Variants in SAP18 observed in about 807,000 individuals in gnomAD.
SAP18 encodes the protein Sin3A associated protein 18, also known as histone deacetylase complex subunit SAP18.
Under a neutral mutation model 18.6 loss-of-function variants are expected in SAP18, and 4 were observed. That is an observed-to-expected ratio of 0.21 (90% CI 0.11 to 0.49). The LOEUF (loss-of-function observed/expected upper bound fraction) is 0.49, where lower values mean the gene tolerates loss of function less well. SAP18 is among the 20% of genes least tolerant of loss of function. SAP18 has a pLI of 0.98. For synonymous variants in SAP18, 112 were observed against 82.8 expected (o/e 1.35, Z -1.92); for missense variants, 170 against 226.4 (o/e 0.75, Z 1.60).
chr13:21,142,084 C>G (rs912999569), intron 2 of SAP18, among the ~76,000 whole-genome samples: 6 of 149,192 alleles, frequency 4.0e-5, no homozygotes, highest in Non-Finnish European at 8.9e-5. Flanking sequence ...GTCAGGAGTT[C>G]GAGACCAGTC....
At chr13:21,141,751 C>T (rs1321808614) in intron 2 of SAP18, 5 of 152,100 alleles carry the variant, frequency 3.3e-5, no homozygotes, top group Admixed American at 3.3e-4. Context: ...ACTGCAACCT[C>T]CACCTCCTGG....
At chr13:21,142,439 G>A (rs957867812) in intron 2 of SAP18, among the ~76,000 whole-genome samples, 2 of 151,610 alleles carry the variant, frequency 1.3e-5, no homozygotes, top group Non-Finnish European at 2.9e-5. Context: ...CGATTCTCAC[G>A]CCTCAGCCTC....
chr13:21,146,109 G>A (rs1565986878), intron 2 of SAP18, among the ~76,000 whole-genome samples: 1 of 152,182 alleles, frequency 6.6e-6, no homozygotes, highest in Non-Finnish European at 1.5e-5. Context: ...CACTTTGGGA[G>A]GCCAAGATAG....
chr13:21,146,923 T>C, exon 3 of SAP18: 1 of 1,606,312 alleles, frequency 6.2e-7, no homozygotes, highest in Non-Finnish European at 8.5e-7. Flanking sequence ...AAGACCTGGC[T>C]ATCGGTAGGT....
At chr13:21,140,502 C>A, upstream of SAP18, 1 of 1,537,242 alleles carries the variant, frequency 6.5e-7, no homozygotes, top group African/African-American at 1.4e-5. Context: ...CCGCCCAGCC[C>A]CTGGCCGACT....
In SAP18 at chr13:21,142,740, C is replaced by T. The variant is rs567803812; in HGVS notation, c.239+1745C>T. ...CTCCAACAGAAACCCTGTACCCCAT[C>T]CTGCCTTTTTTTAATTTTTAAAGAG... On this transcript the variant is annotated intron_variant, in intron 2 of 3. Coordinates refer to ENST00000621421, the Ensembl canonical transcript of SAP18. Among the ~76,000 whole-genome samples the T allele has an allele frequency of 3.3e-5, 5 of 152,228 alleles. No individual in the cohort carries two copies. In the South Asian group the frequency reaches 1.0e-3, roughly 32 times the overall value.
exon 1 of SAP18, chr13:21,140,520 G>A (rs893298516): frequency 1.3e-6 from 2 of 1,555,652 alleles, no homozygotes; most frequent in Admixed American, 3.9e-5. Context: ...ACTATAAAGT[G>A]TCGAGCTTCT....
At chr13:21,140,840 A>T (rs747763373) in intron 1 of SAP18, 46 bp from the exon 2 acceptor site, 1 of 1,583,702 alleles carries the variant, frequency 6.3e-7, no homozygotes, top group Non-Finnish European at 8.7e-7. Context: ...CCGGGTTCGC[A>T]GCTGGTGTTT....
chr13:21,148,050 CCGAG>C (rs748998476), exon 4 of SAP18: 2 of 152,102 alleles, frequency 1.3e-5, no homozygotes, highest in African/African-American at 2.4e-5. Flanking sequence ...AATCTTAAGA[CCGAG>C]GGAGAAGAGC....
intron 2 of SAP18, among the ~76,000 whole-genome samples, chr13:21,142,771 G>T (rs537964861): frequency 1.3e-4 from 20 of 152,196 alleles, no homozygotes; most frequent in Non-Finnish European, 2.6e-4. Context: ...AAGAGACGGA[G>T]TCTTGCTCTG....
At chr13:21,140,466 G>T, upstream of SAP18, 2 of 1,441,428 alleles carry the variant, frequency 1.4e-6, 1 homozygote, top group South Asian at 2.7e-5. Flanking sequence ...ACCACGCACG[G>T]AAGTGCGCCT....
chr13:21,147,359 G>A, exon 4 of SAP18: 1 of 1,590,898 alleles, frequency 6.3e-7, no homozygotes, highest in Non-Finnish European at 8.6e-7. Flanking sequence ...TTTACTATTT[G>A]TTGAATTTAT....
intron 2 of SAP18, among the ~76,000 whole-genome samples, chr13:21,142,992 A>T (rs1185137876): frequency 1.3e-5 from 2 of 152,212 alleles, no homozygotes; most frequent in Non-Finnish European, 2.9e-5. Flanking sequence ...CAGTGAACTC[A>T]TTACAGTATT....
intron 2 of SAP18, 24 bp downstream of exon 2, chr13:21,141,019 G>A: frequency 6.7e-7 from 1 of 1,492,178 alleles, no homozygotes; most frequent in African/African-American, 1.4e-5. Flanking sequence ...GGTGGCCTCA[G>A]GGACCCGGGC....
chr13:21,140,574 G>T (rs751622316), exon 1 of SAP18: 2 of 1,603,820 alleles, frequency 1.2e-6, no homozygotes, highest in Non-Finnish European at 1.7e-6. Context: ...AGGGGTCGGA[G>T]GTCAGGGCGA....
At chr13:21,142,182 G>A (rs534107170) in intron 2 of SAP18, among the ~76,000 whole-genome samples, 103 of 149,826 alleles carry the variant, frequency 6.9e-4, no homozygotes, top group Admixed American at 2.6e-3. Context: ...AGCTAATTGG[G>A]AGACTGAGGC....
intron 3 of SAP18, 52 bp downstream of exon 3, chr13:21,146,979 T>C: frequency 6.4e-7 from 1 of 1,557,224 alleles, no homozygotes; most frequent in Non-Finnish European, 8.7e-7. Flanking sequence ...TTTAGTATGT[T>C]TTAACTGATA....
At chr13:21,140,259 C>T (rs924868100), upstream of SAP18, among the ~76,000 whole-genome samples, 6 of 152,162 alleles carry the variant, frequency 3.9e-5, no homozygotes, top group Admixed American at 1.3e-4. Flanking sequence ...AATAAAGGAA[C>T]GCTTTGTGTC....
intron 2 of SAP18, among the ~76,000 whole-genome samples, chr13:21,145,337 A>G (rs565556393): frequency 6.6e-6 from 1 of 152,306 alleles, no homozygotes; most frequent in South Asian, 2.1e-4. Flanking sequence ...CACAACCCCA[A>G]GATATCTTAC....
Sources: gnomAD v4.1 joint callset for allele counts (sites outside exome capture counted in the v4.1 genomes callset) on GRCh38, gnomAD v4.1.1 for gene constraint, MANE v1.5 for transcripts, NCBI Gene and HGNC (gene_info 2026-07-23, HGNC 2026-07-21) for gene names.